DHRS7B: variants seen among roughly 807,000 people sequenced by gnomAD.
DHRS7B encodes dehydrogenase/reductase 7B, also known as peroxisomal reductase activating PPAR-gamma.
A neutral mutation model predicts 26.4 loss-of-function variants in DHRS7B; 24 were observed. The ratio of observed to expected loss-of-function variants is 0.91; its 90% CI spans 0.66 to 1.28. The LOEUF is 1.28. Ranked by LOEUF, DHRS7B falls within the 50% of genes most tolerant of loss-of-function variation. The pLI is 0.00. For missense variants in DHRS7B, 368 were observed against 419.4 expected (o/e 0.88, Z 1.07); for synonymous variants, 142 against 166.4 (o/e 0.85, Z 1.13).
intron 1 of DHRS7B, among the ~76,000 whole-genome samples, chr17:21,145,759 T>G (rs1018287109): frequency 4.6e-5 from 7 of 152,246 alleles, no homozygotes; most frequent in African/African-American, 1.7e-4. Context: ...TAAAATAGGT[T>G]TATCTGAGAT....
chr17:21,150,040 C>G (rs1266454765), intron 1 of DHRS7B, among the ~76,000 whole-genome samples: 5 of 143,206 alleles, frequency 3.5e-5, no homozygotes, highest in African/African-American at 1.3e-4. Context: ...GGGAGGATCA[C>G]TGGATCACTT....
At chr17:21,130,577 G>GA (rs1217801377) in intron 1 of DHRS7B, among the ~76,000 whole-genome samples, 2 of 152,022 alleles carry the variant, frequency 1.3e-5, no homozygotes, top group Non-Finnish European at 2.9e-5. Context: ...AGGGACAGAG[G>GA]AATAATTTAT....
chr17:21,181,553 A>T (rs1259767701), intron 3 of DHRS7B, among the ~76,000 whole-genome samples: 1 of 152,206 alleles, frequency 6.6e-6, no homozygotes, highest in Non-Finnish European at 1.5e-5. Context: ...AAAAGGGCTG[A>T]TTTTATCCTT....
intron 1 of DHRS7B, among the ~76,000 whole-genome samples, chr17:21,153,696 A>G (rs1028480669): frequency 1.3e-5 from 2 of 152,158 alleles, no homozygotes; most frequent in African/African-American, 4.8e-5. Flanking sequence ...AGAAGGTGCC[A>G]TCTAAGTGTC....
chr17:21,137,059 C>T (rs1410123815), intron 1 of DHRS7B, among the ~76,000 whole-genome samples: 1 of 141,230 alleles, frequency 7.1e-6, no homozygotes, highest in East Asian at 2.0e-4. Context: ...CAACCTCTGC[C>T]CCCAGGGTTC....
chr17:21,174,206 C>G (rs1329982699), intron 2 of DHRS7B, among the ~76,000 whole-genome samples: 3 of 152,222 alleles, frequency 2.0e-5, no homozygotes, highest in African/African-American at 7.2e-5. Flanking sequence ...TCCTCAGTGG[C>G]TCTGCCTGCC....
intron 1 of DHRS7B, among the ~76,000 whole-genome samples, chr17:21,169,519 C>T (rs574258859): frequency 6.6e-6 from 1 of 152,258 alleles, no homozygotes; most frequent in East Asian, 1.9e-4. Flanking sequence ...GCCCCTTTGC[C>T]AGGCTGCCAA....
intron 1 of DHRS7B, among the ~76,000 whole-genome samples, chr17:21,151,687 ACCT>A (rs1002868904): frequency 6.6e-6 from 1 of 152,096 alleles, no homozygotes; most frequent in African/African-American, 2.4e-5. Context: ...TGGAGCAGAA[ACCT>A]CTGTGGGAAC....
chr17:21,163,556 G>A (rs1974045161), intron 1 of DHRS7B, among the ~76,000 whole-genome samples: 1 of 152,180 alleles, frequency 6.6e-6, no homozygotes, highest in African/African-American at 2.4e-5. Context: ...TTTAGTGGAT[G>A]GAAAAGCAAT....
At chr17:21,142,700 G>A (rs1224513720) in intron 1 of DHRS7B, among the ~76,000 whole-genome samples, 2 of 120,972 alleles carry the variant, frequency 1.7e-5, no homozygotes, top group Admixed American at 8.2e-5. Context: ...CCCCCGCCCC[G>A]CCGTTACCCT....
chr17:21,163,195 AAAAAAAAACC>A (rs970050400), intron 1 of DHRS7B, among the ~76,000 whole-genome samples: 4 of 151,386 alleles, frequency 2.6e-5, no homozygotes, highest in Admixed American at 6.6e-5. Context: ...GACTGTCTCA[AAAAAAAAACC>A]AAAAAAAACC....
At chr17:21,151,445 G>A (rs748289767) in intron 1 of DHRS7B, among the ~76,000 whole-genome samples, 116 of 150,008 alleles carry the variant, frequency 7.7e-4, no homozygotes, top group Non-Finnish European at 1.5e-3. Context: ...CCTGGGAGGC[G>A]GAGTTGGCAG....
chr17:21,161,094 G>A (rs1444851287), intron 1 of DHRS7B, among the ~76,000 whole-genome samples: 1 of 152,190 alleles, frequency 6.6e-6, no homozygotes, highest in Non-Finnish European at 1.5e-5. Context: ...TTAGGGCAGT[G>A]AAACTATTCT....
chr17:21,157,800 C>G (rs957107065), intron 1 of DHRS7B, among the ~76,000 whole-genome samples: 2 of 151,832 alleles, frequency 1.3e-5, no homozygotes, highest in African/African-American at 4.8e-5. Context: ...CAAAAATGAC[C>G]CAGGTGTGGT....
At chr17:21,172,841 G>A (rs1974291314) in intron 2 of DHRS7B, among the ~76,000 whole-genome samples, 1 of 152,232 alleles carries the variant, frequency 6.6e-6, no homozygotes, top group Non-Finnish European at 1.5e-5. Context: ...CTGGCCTGGA[G>A]TGTCAAAACC....
At chr17:21,166,204 C>T in intron 1 of DHRS7B, 1 of 985,478 alleles carries the variant, frequency 1.0e-6, no homozygotes, top group Non-Finnish European at 1.2e-6. Context: ...TGTGGCTGCT[C>T]TTCCCAGGAT....
At chr17:21,141,618 G>GC (rs1973511324) in intron 1 of DHRS7B, among the ~76,000 whole-genome samples, 1 of 2,248 alleles carries the variant, frequency 4.4e-4, no homozygotes, top group African/African-American at 1.5e-3. Context: ...CAGCAAGAAA[G>GC]CAAAAAAAAA....
intron 1 of DHRS7B, among the ~76,000 whole-genome samples, chr17:21,131,121 C>G (rs11656273): frequency 0.35 from 53,823 of 152,028 alleles, 9,761 homozygotes; most frequent in Middle Eastern, 0.43. Flanking sequence ...AGAGAGGGTT[C>G]TTGGATCTTG....
chr17:21,135,191 A>G (rs982495262), intron 1 of DHRS7B, among the ~76,000 whole-genome samples: 4 of 152,260 alleles, frequency 2.6e-5, no homozygotes, highest in Non-Finnish European at 5.9e-5. Context: ...ATACTAAGTT[A>G]TATCAGAATT....
Sources: allele counts gnomAD v4.1 joint callset (sites outside exome capture counted in the v4.1 genomes callset), GRCh38; gene constraint gnomAD v4.1.1; transcripts MANE v1.5; gene names NCBI Gene and HGNC (gene_info 2026-07-23, HGNC 2026-07-21).